HMCN1: variants seen among roughly 807,000 people sequenced by gnomAD.
The protein encoded by HMCN1 is hemicentin-1.
Under a neutral mutation model 625.9 loss-of-function variants are expected in HMCN1, and 321 were observed. That is an observed-to-expected ratio of 0.51 (90% CI 0.47 to 0.56). The LOEUF (loss-of-function observed/expected upper bound fraction) is 0.56. HMCN1 is among the 20% of genes least tolerant of loss of function. The pLI, the probability that HMCN1 is intolerant of heterozygous loss-of-function variation, is 0.00. For synonymous variants in HMCN1, 2,425 were observed against 2,417.6 expected (o/e 1.00, Z -0.09); for missense variants, 6,588 against 6,887.3 (o/e 0.96, Z 1.54).
At chr1:185,999,888 A>G (rs1653059884) in intron 25 of HMCN1, among the ~76,000 whole-genome samples, 157 bp from the exon 26 acceptor site, 1 of 152,180 alleles carries the variant, frequency 6.6e-6, no homozygotes, top group South Asian at 2.1e-4. Context: ...CATAATCTTC[A>G]TATTTCCATG....
intron 1 of HMCN1, among the ~76,000 whole-genome samples, chr1:185,832,416 T>G (rs1056919984): frequency 6.6e-6 from 1 of 152,206 alleles, no homozygotes; most frequent in Non-Finnish European, 1.5e-5. Flanking sequence ...AAACATATTA[T>G]TAAGCCTCAA....
chr1:186,081,164 G>T (rs763448600), intron 55 of HMCN1, 43 bp from the exon 56 acceptor site: 1 of 1,495,828 alleles, frequency 6.7e-7, no homozygotes, highest in Non-Finnish European at 9.3e-7. Context: ...ATTTAGAAAA[G>T]ACTGTTGCCC....
At chr1:186,178,053 C>G (rs1015199091) in intron 103 of HMCN1, among the ~76,000 whole-genome samples, 1 of 152,110 alleles carries the variant, frequency 6.6e-6, no homozygotes, top group African/African-American at 2.4e-5. Flanking sequence ...ATCAAGGAGA[C>G]AAGGCTGAAA....
intron 25 of HMCN1, among the ~76,000 whole-genome samples, chr1:185,998,286 C>G (rs868578884): frequency 6.6e-6 from 1 of 152,130 alleles, no homozygotes; most frequent in Non-Finnish European, 1.5e-5. Flanking sequence ...TTTGTGCCCC[C>G]ACATGTGCCT....
At chr1:186,146,063 T>C (rs1650300156) in intron 93 of HMCN1, 140 bp downstream of exon 93, 1 of 866,570 alleles carries the variant, frequency 1.2e-6, no homozygotes, top group Non-Finnish European at 1.9e-6. Context: ...TGCTCCTAAT[T>C]GGTACAGTTC....
intron 56 of HMCN1, among the ~76,000 whole-genome samples, chr1:186,082,338 C>T (rs563887599): frequency 5.8e-4 from 89 of 152,294 alleles, no homozygotes; most frequent in Admixed American, 2.0e-3. Context: ...TGGCTGGGAT[C>T]GCACACATAT....
At position 186,157,782 on chromosome 1, in the gene HMCN1, A is replaced by G. The variant is rs909648018; in HGVS notation, c.15256+3795A>G. Reference sequence around the variant, plus strand: ...AAAGGACATGAACTCATCATTGTTTATGGCTGCATAGTATTCCATGGTGTA... The same window carrying G: ...AAAGGACATGAACTCATCATTGTTTGTGGCTGCATAGTATTCCATGGTGTA... On this transcript the variant is annotated intron_variant, in intron 97 of 106. Transcript: ENST00000271588. Among the ~76,000 whole-genome samples, 16 of 152,310 alleles carry G rather than the reference A, an allele frequency of 1.1e-4. No individual in the cohort carries two copies. The East Asian group carries it at 1.2e-3, about 11-fold the overall frequency.
chr1:185,983,370 G>A (rs1276523376), intron 18 of HMCN1, among the ~76,000 whole-genome samples: 2 of 151,962 alleles, frequency 1.3e-5, no homozygotes, highest in African/African-American at 2.4e-5. Flanking sequence ...AGGTTGCAGT[G>A]AGCCGAGATC....
intron 4 of HMCN1, among the ~76,000 whole-genome samples, chr1:185,877,326 T>C (rs1664013327): frequency 1.6e-5 from 2 of 123,324 alleles, no homozygotes; most frequent in African/African-American, 4.3e-5. Context: ...TCTTTCTTTT[T>C]TTTTTTTTTT....
intron 1 of HMCN1, among the ~76,000 whole-genome samples, chr1:185,736,789 T>TGG (rs1329610760): frequency 6.6e-6 from 1 of 152,182 alleles, no homozygotes; most frequent in Non-Finnish European, 1.5e-5. Context: ...GATTTAAAGT[T>TGG]GGGGAAACTT....
Position 185,911,581 on chromosome 1 carries a change from G to A in HMCN1, c.794-93G>A. The A allele has an allele frequency of 1.1e-5, 10 of 943,874 alleles. No homozygotes were observed. The South Asian group carries it at 1.3e-4, about 12-fold the overall frequency. The allele number at this position is 943,874 out of a possible 1,614,324, so 58.5% of individuals were successfully genotyped here. A position where few individuals can be genotyped will look rare whatever the true frequency, so the allele number is the denominator to read the frequency against. On this transcript the variant is annotated intron_variant, in intron 5 of 106. Transcript: ENST00000271588. ...AATGAGCCAGTGTTATTTGAAATTT[G>A]ATCATGCTCTTAGTTTTATGTAGTG...
intron 36 of HMCN1, among the ~76,000 whole-genome samples, chr1:186,027,105 A>G (rs1490309407): frequency 6.6e-6 from 1 of 152,208 alleles, no homozygotes; most frequent in Non-Finnish European, 1.5e-5. Context: ...CTTCTTAGTC[A>G]TAGCAAAGGC....
At chr1:186,075,009 G>T in intron 53 of HMCN1, 118 bp downstream of exon 53, 1 of 860,244 alleles carries the variant, frequency 1.2e-6, no homozygotes, top group Non-Finnish European at 1.8e-6. Flanking sequence ...ATAAATTCAT[G>T]ATTGAAAATT....
chr1:186,158,715 C>T (rs916213456), intron 97 of HMCN1, among the ~76,000 whole-genome samples: 1 of 152,066 alleles, frequency 6.6e-6, no homozygotes, highest in African/African-American at 2.4e-5. Flanking sequence ...TTGCTTGTTT[C>T]TGGGAGGTTT....
intron 2 of HMCN1, among the ~76,000 whole-genome samples, chr1:185,850,422 A>G (rs1662090895): frequency 1.3e-5 from 2 of 152,092 alleles, no homozygotes; most frequent in South Asian, 4.2e-4. Context: ...ATTCTTGAAA[A>G]TCTGGCCAGA....
At chr1:185,818,854 T>A (rs1262031588) in intron 1 of HMCN1, among the ~76,000 whole-genome samples, 1 of 152,136 alleles carries the variant, frequency 6.6e-6, no homozygotes, top group Non-Finnish European at 1.5e-5. Context: ...TTTTATAAAC[T>A]TTCACTTGGG....
intron 1 of HMCN1, among the ~76,000 whole-genome samples, chr1:185,779,222 G>A (rs1389080854): frequency 2.6e-5 from 4 of 152,158 alleles, no homozygotes; most frequent in Non-Finnish European, 5.9e-5. Context: ...ATTTGTTTGA[G>A]TTCTTTGTAG....
chr1:185,877,589 C>T (rs1208800596), intron 4 of HMCN1, among the ~76,000 whole-genome samples: 1 of 151,648 alleles, frequency 6.6e-6, no homozygotes, highest in Non-Finnish European at 1.5e-5. Flanking sequence ...TTCTTCTAAT[C>T]CACGAGCACA....
intron 4 of HMCN1, among the ~76,000 whole-genome samples, chr1:185,878,205 A>C (rs563991989): frequency 6.6e-6 from 1 of 152,180 alleles, no homozygotes; most frequent in African/African-American, 2.4e-5. Flanking sequence ...ACGTAATTTC[A>C]CTTCTTTTCT....
Sources: gnomAD v4.1 joint callset for allele counts (sites outside exome capture counted in the v4.1 genomes callset) on GRCh38, gnomAD v4.1.1 for gene constraint, MANE v1.5 for transcripts, NCBI Gene and HGNC (gene_info 2026-07-23, HGNC 2026-07-21) for gene names.